ASTN2: variants seen among roughly 807,000 people sequenced by gnomAD.
The protein encoded by ASTN2 is astrotactin 2.
In ASTN2, 54 loss-of-function variants were observed where a neutral mutation model predicts 139.8. That is an observed-to-expected ratio of 0.39 (90% CI 0.31 to 0.48). The LOEUF is 0.48. Ranked by LOEUF, ASTN2 falls within the 20% of genes least tolerant of loss-of-function variation. ASTN2 has a pLI of 0.95. For synonymous variants in ASTN2, 756 were observed against 719.5 expected, an observed-to-expected ratio of 1.05 and a Z score of -0.81; for missense variants, 1,565 against 1,725.1, an observed-to-expected ratio of 0.91 and a Z score of 1.64.
At chr9:116,998,559 A>ATCCATCCATCCG (rs1837088234) in intron 7 of ASTN2, among the ~76,000 whole-genome samples, 2 of 151,992 alleles carry the variant, frequency 1.3e-5, no homozygotes, top group South Asian at 4.2e-4. Context: ...TCATCCATCC[A>ATCCATCCATCCG]TCCATCCATC....
intron 10 of ASTN2, among the ~76,000 whole-genome samples, chr9:116,922,243 C>T (rs1008147785): frequency 1.3e-5 from 2 of 152,136 alleles, no homozygotes; most frequent in Non-Finnish European, 2.9e-5. Flanking sequence ...TACTTTATAC[C>T]TTGAATTATT....
Position 117,329,952 on chromosome 9 carries a change from C to T in ASTN2, c.443-38439G>A, listed in dbSNP as rs374425151. On this transcript the variant is annotated intron_variant, in intron 1 of 22. Transcript: ENST00000313400. ...TGCCCCATGAAATGGGAACTGTTAT[C>T]GTTCTTATTTTCCCATGAAGAAACT... Among the ~76,000 whole-genome samples, 13 of 152,270 alleles carry T rather than the reference C, an allele frequency of 8.5e-5. No homozygotes were observed. The East Asian group carries it at 2.1e-3, about 25-fold the overall frequency.
At chr9:116,482,696 G>C (rs191335447) in intron 20 of ASTN2, among the ~76,000 whole-genome samples, 1 of 151,970 alleles carries the variant, frequency 6.6e-6, no homozygotes, top group Non-Finnish European at 1.5e-5. Flanking sequence ...CCTTCTCCGG[G>C]GCTTTGCTTT....
intron 1 of ASTN2, among the ~76,000 whole-genome samples, chr9:117,341,524 TG>T (rs1249403657): frequency 2.6e-5 from 4 of 152,242 alleles, no homozygotes; most frequent in African/African-American, 9.6e-5. Flanking sequence ...CAAAAGACAA[TG>T]CCAGATTCAA....
intron 11 of ASTN2, among the ~76,000 whole-genome samples, chr9:116,856,978 C>A (rs1341759876): frequency 6.6e-6 from 1 of 152,200 alleles, no homozygotes; most frequent in Non-Finnish European, 1.5e-5. Flanking sequence ...AAGGCCTTGA[C>A]TATTCGATGT....
intron 9 of ASTN2, 134 bp from the exon 10 acceptor site, chr9:116,975,479 C>T (rs968238392): frequency 7.2e-5 from 61 of 842,392 alleles, no homozygotes; most frequent in African/African-American, 1.7e-5. Context: ...ATTTAAGGAA[C>T]AATGTTGGCC....
chr9:117,402,143 T>G (rs750739536), intron 1 of ASTN2, among the ~76,000 whole-genome samples: 2 of 152,210 alleles, frequency 1.3e-5, no homozygotes, highest in African/African-American at 2.4e-5. Flanking sequence ...TTCAGCTCAC[T>G]GCAATCTCCA....
intron 1 of ASTN2, among the ~76,000 whole-genome samples, chr9:117,339,425 C>A (rs543496422): frequency 5.6e-4 from 85 of 152,160 alleles, no homozygotes; most frequent in Non-Finnish European, 1.1e-3. Flanking sequence ...AGATCTCACA[C>A]ACATGCACAT....
chr9:116,527,932 C>A (rs1397484354), intron 19 of ASTN2, among the ~76,000 whole-genome samples: 1 of 152,166 alleles, frequency 6.6e-6, no homozygotes, highest in Non-Finnish European at 1.5e-5. Context: ...CCACATAGAA[C>A]TGTGAGTCAA....
intron 1 of ASTN2, among the ~76,000 whole-genome samples, chr9:117,377,650 AAT>A (rs937280801): frequency 3.7e-4 from 56 of 150,830 alleles, no homozygotes; most frequent in African/African-American, 1.1e-3. Context: ...GCTATATATA[AAT>A]ATATATATAT....
intron 13 of ASTN2, among the ~76,000 whole-genome samples, chr9:116,773,651 A>G (rs1464177328): frequency 1.3e-5 from 2 of 152,030 alleles, no homozygotes; most frequent in Non-Finnish European, 2.9e-5. Context: ...ATTAATACAC[A>G]TATTATCTCA....
At chr9:116,724,151 T>C (rs1828551238) in intron 16 of ASTN2, among the ~76,000 whole-genome samples, 1 of 152,186 alleles carries the variant, frequency 6.6e-6, no homozygotes, top group South Asian at 2.1e-4. Context: ...GTAGCCACAG[T>C]GAGTGAAGGT....
chr9:116,762,090 T>C (rs1003979379), intron 13 of ASTN2, among the ~76,000 whole-genome samples: 12 of 152,246 alleles, frequency 7.9e-5, no homozygotes, highest in African/African-American at 2.9e-4. Context: ...GAAGAACTAA[T>C]GAGATAATTT....
At chr9:117,364,510 G>T (rs948017348) in intron 1 of ASTN2, among the ~76,000 whole-genome samples, 1 of 152,184 alleles carries the variant, frequency 6.6e-6, no homozygotes, top group Non-Finnish European at 1.5e-5. Flanking sequence ...AAGCAGGCAT[G>T]ATTTACTTAG....
chr9:117,375,326 C>A (rs1274766894), intron 1 of ASTN2, among the ~76,000 whole-genome samples: 1 of 152,184 alleles, frequency 6.6e-6, no homozygotes, highest in Non-Finnish European at 1.5e-5. Context: ...AAAGAGTTAA[C>A]AAATACCACA....
At chr9:117,187,640 C>T (rs934081232) in intron 3 of ASTN2, among the ~76,000 whole-genome samples, 6 of 152,086 alleles carry the variant, frequency 3.9e-5, no homozygotes, top group African/African-American at 4.8e-5. Context: ...CACGAGTCTC[C>T]CTGGTCATGT....
intron 7 of ASTN2, among the ~76,000 whole-genome samples, chr9:116,986,005 T>TA (rs1281022721): frequency 6.6e-6 from 1 of 152,144 alleles, no homozygotes; most frequent in Non-Finnish European, 1.5e-5. Flanking sequence ...ACGGGCATCT[T>TA]AAACCCAATT....
intron 19 of ASTN2, among the ~76,000 whole-genome samples, chr9:116,510,966 C>T (rs1025123450): frequency 3.9e-5 from 6 of 152,178 alleles, no homozygotes; most frequent in Non-Finnish European, 8.8e-5. Context: ...AATTTGACTT[C>T]CTCTTTTCCT....
At chr9:117,162,522 C>T (rs552460378) in intron 3 of ASTN2, among the ~76,000 whole-genome samples, 4 of 152,148 alleles carry the variant, frequency 2.6e-5, no homozygotes, top group South Asian at 2.1e-4. Context: ...GGTTAAAATA[C>T]AGAAGAGCTA....
Sources: gnomAD v4.1 joint callset for allele counts (sites outside exome capture counted in the v4.1 genomes callset) on GRCh38, gnomAD v4.1.1 for gene constraint, MANE v1.5 for transcripts, NCBI Gene and HGNC (gene_info 2026-07-23, HGNC 2026-07-21) for gene names.